Variants in TSGA10 observed in about 807,000 individuals in gnomAD.
TSGA10 encodes the protein testis specific 10, also known as testis-specific gene 10 protein.
TSGA10 carries 43 observed loss-of-function variants against 96.6 expected under a neutral mutation model. The ratio of observed to expected loss-of-function variants is 0.44; its 90% CI spans 0.35 to 0.57. TSGA10 has a LOEUF of 0.57. Ranked by LOEUF, TSGA10 falls within the 20% of genes least tolerant of loss-of-function variation. TSGA10 has a pLI of 0.01. For synonymous variants in TSGA10, 229 were observed against 269.9 expected (o/e 0.85, Z 1.48); for missense variants, 703 against 834.4 (o/e 0.84, Z 1.94).
chr2:99,096,922 T>C (rs1406446519), intron 10 of TSGA10, among the ~76,000 whole-genome samples: 2 of 152,196 alleles, frequency 1.3e-5, no homozygotes, highest in Admixed American at 1.3e-4. Context: ...ACTGAAACTG[T>C]GTTGGTAGAG....
intron 2 of TSGA10, among the ~76,000 whole-genome samples, chr2:99,119,431 C>T (rs1226816173): frequency 6.6e-6 from 1 of 152,196 alleles, no homozygotes; most frequent in African/African-American, 2.4e-5. Flanking sequence ...TATGATCCAA[C>T]TCGACTTAGC....
At chr2:99,145,104 C>T (rs987952767) in intron 1 of TSGA10, among the ~76,000 whole-genome samples, 1 of 152,162 alleles carries the variant, frequency 6.6e-6, no homozygotes, top group Admixed American at 6.5e-5. Context: ...CTTCTGGAGG[C>T]TCTAGGGGAA....
intron 1 of TSGA10, chr2:99,146,969 C>T (rs2093638293): frequency 6.6e-6 from 1 of 152,624 alleles, no homozygotes. Flanking sequence ...CATAGTTAGC[C>T]AATGTTCACG....
chr2:99,045,350 C>A (rs905849307), intron 16 of TSGA10, among the ~76,000 whole-genome samples: 3 of 152,090 alleles, frequency 2.0e-5, no homozygotes, highest in African/African-American at 7.2e-5. Context: ...TCGGGTTACC[C>A]ACAAAGGGAA....
intron 20 of TSGA10, among the ~76,000 whole-genome samples, chr2:99,015,503 G>C (rs1208464298): frequency 6.6e-6 from 1 of 151,864 alleles, no homozygotes; most frequent in East Asian, 1.9e-4. Flanking sequence ...CACATAGATA[G>C]GTAATAAAAG....
intron 16 of TSGA10, among the ~76,000 whole-genome samples, chr2:99,040,660 T>C (rs1403960008): frequency 1.3e-5 from 2 of 151,954 alleles, no homozygotes; most frequent in Admixed American, 6.6e-5. Context: ...CATGGATGGG[T>C]AGAATCAATA....
chr2:99,028,353 T>C (rs941209777), intron 17 of TSGA10, among the ~76,000 whole-genome samples: 2 of 152,302 alleles, frequency 1.3e-5, no homozygotes, highest in East Asian at 3.9e-4. Context: ...AAAAATTATA[T>C]ATACTTAAGG....
At chr2:99,147,157 T>G in intron 1 of TSGA10, 1 of 289,306 alleles carries the variant, frequency 3.5e-6, no homozygotes, top group Non-Finnish European at 6.3e-6. Context: ...TGGCATATCT[T>G]TTTGTTTTTT....
chr2:99,150,479 T>TC, intron 1 of TSGA10: 2 of 1,463,162 alleles, frequency 1.4e-6, no homozygotes, highest in East Asian at 4.6e-5. Flanking sequence ...TTTTTTTTTT[T>TC]CAGTAATCAA....
intron 20 of TSGA10, 54 bp downstream of exon 20, chr2:99,018,146 T>TA: frequency 1.9e-6 from 3 of 1,587,748 alleles, no homozygotes; most frequent in Non-Finnish European, 2.6e-6. Context: ...AAATGTTCAC[T>TA]ATACTAGATA....
chr2:99,044,921 T>C (rs1175584176), intron 16 of TSGA10, among the ~76,000 whole-genome samples: 1 of 152,172 alleles, frequency 6.6e-6, no homozygotes, highest in Non-Finnish European at 1.5e-5. Flanking sequence ...AACCTGCTCC[T>C]GAATGACTAC....
intron 10 of TSGA10, among the ~76,000 whole-genome samples, chr2:99,098,438 C>CAAAAAAAAAA (rs59144676): frequency 6.8e-4 from 63 of 92,296 alleles, no homozygotes; most frequent in Non-Finnish European, 9.9e-4. Flanking sequence ...GACTCTGCCT[C>CAAAAAAAAAA]AAAAAAAAAA....
intron 14 of TSGA10, among the ~76,000 whole-genome samples, chr2:99,071,364 A>G (rs1329248033): frequency 6.8e-6 from 1 of 147,506 alleles, no homozygotes; most frequent in Non-Finnish European, 1.5e-5. Context: ...AAAACAGAAT[A>G]ATATGTAGTC....
At chr2:99,029,407 C>A (rs1167369275) in intron 17 of TSGA10, among the ~76,000 whole-genome samples, 1 of 151,670 alleles carries the variant, frequency 6.6e-6, no homozygotes, top group Non-Finnish European at 1.5e-5. Context: ...ACAAATATAT[C>A]TCAGTAAATG....
chr2:99,144,843 G>C (rs116491767), intron 1 of TSGA10, among the ~76,000 whole-genome samples: 76 of 152,206 alleles, frequency 5.0e-4, no homozygotes, highest in Non-Finnish European at 8.8e-4. Flanking sequence ...CAAAGGTCCT[G>C]AAGCAGGAGA....
intron 10 of TSGA10, among the ~76,000 whole-genome samples, chr2:99,096,816 A>G (rs1162203150): frequency 1.3e-5 from 2 of 152,236 alleles, no homozygotes; most frequent in African/African-American, 4.8e-5. Flanking sequence ...GTCACTGGTC[A>G]TGATTTATAT....
chr2:99,094,368 A>C (rs2089761740), intron 10 of TSGA10, among the ~76,000 whole-genome samples: 1 of 152,186 alleles, frequency 6.6e-6, no homozygotes, highest in Admixed American at 6.5e-5. Context: ...CCAAGAACCC[A>C]AAAGCAAATG....
intron 20 of TSGA10, among the ~76,000 whole-genome samples, chr2:99,011,155 A>G (rs1214243798): frequency 6.6e-6 from 1 of 152,172 alleles, no homozygotes; most frequent in Admixed American, 6.5e-5. Flanking sequence ...TAGAGCAGGT[A>G]CTGGTATCCA....
intron 1 of TSGA10, chr2:99,141,555 C>CGG (rs1326343902): frequency 1.3e-5 from 2 of 153,184 alleles, no homozygotes; most frequent in East Asian, 3.9e-4. Context: ...CCCATCCGCG[C>CGG]CGCGCAGGCG....
Sources: allele counts gnomAD v4.1 joint callset (sites outside exome capture counted in the v4.1 genomes callset), GRCh38; gene constraint gnomAD v4.1.1; transcripts MANE v1.5; gene names NCBI Gene and HGNC (gene_info 2026-07-23, HGNC 2026-07-21).